Variants in BTN3A3 observed in about 807,000 individuals in gnomAD.
BTN3A3 encodes the protein butyrophilin subfamily 3 member A3, also known as butyrophilin 3.
A neutral mutation model predicts 43.2 loss-of-function variants in BTN3A3; 39 were observed. The observed-to-expected ratio is 0.90, with a 90% CI of 0.70 to 1.18. The LOEUF (loss-of-function observed/expected upper bound fraction) is 1.18. BTN3A3 is among the 50% of genes most tolerant of loss of function. The pLI is 0.00. For missense variants in BTN3A3, 631 were observed against 722.8 expected, an observed-to-expected ratio of 0.87 and a Z score of 1.46; for synonymous variants, 255 against 272.7, an observed-to-expected ratio of 0.93 and a Z score of 0.64.
intron 6 of BTN3A3, 26 bp from the exon 7 acceptor site, chr6:26,448,591 C>G (rs757750080): frequency 1.2e-6 from 2 of 1,613,270 alleles, no homozygotes; most frequent in Non-Finnish European, 1.7e-6. Flanking sequence ...TTCTTTTTTT[C>G]TTTTCTTTTT....
chr6:26,451,750 C>A lies in BTN3A3; in HGVS notation c.1094C>A (p.Ala365Asp). ...VSEDQRSVQR[A>D]EEPRDLPDNP... Reference sequence around the variant, plus strand: ...GAGGACCAGAGGAGTGTGCAGCGTGCTGAAGAGCCGCGGGATCTGCCAGAC... The same window carrying A: ...GAGGACCAGAGGAGTGTGCAGCGTGATGAAGAGCCGCGGGATCTGCCAGAC... The change falls in exon 11 of 11, where the codon GCT becomes GAT. Residue 365 changes from alanine to aspartate, a missense_variant. Around this residue, in one of 2 missense-constraint regions of BTN3A3, gnomAD observed 551 missense variants for 584.0 expected, o/e 0.94. Coordinates refer to ENST00000244519, the MANE Select transcript of BTN3A3 (RefSeq NM_006994.5). The A allele has an allele frequency of 6.2e-7, 1 of 1,614,168 alleles. No homozygotes were observed. Among genetic ancestry groups the A allele is most frequent in the Non-Finnish European group, 8.5e-7 (1 of 1,180,018 alleles).
Position 26,449,675 on chromosome 6 carries a change from T to C in BTN3A3, c.978T>C (p.Ser326=), listed in dbSNP as rs781675649. The C allele has an allele frequency of 8.7e-6, 14 of 1,614,092 alleles. No individual in the cohort carries two copies. The highest frequency in any genetic ancestry group is 1.2e-5 in the Non-Finnish European group (14 of 1,180,026). Residue 326 remains serine (S), a synonymous_variant, in exon 9 of 11, where the codon TCT becomes TCC. Transcript: ENST00000244519. ...KIQYMARGEK[S]LAYHEWKMAL... Reference sequence around the variant, plus strand: ...CTTTCATTGTAGGTGGAGAGAAGTCTTTGGCCTATCATGGTGAGTGAGCCT... The same window carrying C: ...CTTTCATTGTAGGTGGAGAGAAGTCCTTGGCCTATCATGGTGAGTGAGCCT...
intron 1 of BTN3A3, among the ~76,000 whole-genome samples, chr6:26,441,561 T>G (rs1383022135): frequency 6.6e-6 from 1 of 152,178 alleles, no homozygotes; most frequent in Non-Finnish European, 1.5e-5. Context: ...TACAACTTTT[T>G]TTTTTAATAG....
At chr6:26,449,394 A>G (rs544525194) in intron 8 of BTN3A3, 18 of 486,826 alleles carry the variant, frequency 3.7e-5, no homozygotes, top group Non-Finnish European at 6.3e-5. Flanking sequence ...GCCCAGGTAC[A>G]GGAGTATAGA....
At position 26,452,790 on chromosome 6, in the gene BTN3A3, C is replaced by G; in HGVS notation, c.*379C>G. On this transcript the variant is annotated 3_prime_UTR_variant, in exon 11 of 11. Coordinates refer to ENST00000244519, the MANE Select transcript of BTN3A3 (RefSeq NM_006994.5). ...TGGCTAATTGCCTGTTCTTTTCCAG[C>G]CTGATTTTTTTTCCCACAGGAAGAG... is the stretch of plus-strand genomic sequence containing the variant. 5.4e-6 allele frequency: 1 copy of G among 186,694 alleles called. No individual in the cohort carries two copies. 11.6% of individuals were successfully genotyped at this position (186,694 alleles called of 1,614,324 possible).
chr6:26,452,725 C>G lies in BTN3A3; in HGVS notation c.*314C>G, dbSNP rs1171135239. ...CATGAAGTAACTTACATAACTCATA[C>G]AGTAATTTGTGCAGTTGGGAGATGT... On this transcript the variant is annotated 3_prime_UTR_variant, in exon 11 of 11. Coordinates refer to ENST00000244519, the MANE Select transcript of BTN3A3 (RefSeq NM_006994.5). The G allele has an allele frequency of 3.5e-6, 1 of 288,354 alleles. No homozygotes were observed. Among genetic ancestry groups the G allele is most frequent in the African/African-American group, 2.2e-5 (1 of 46,120 alleles). 17.9% of individuals were successfully genotyped at this position (288,354 alleles called of 1,614,324 possible). A position where few individuals can be genotyped will look rare whatever the true frequency, so the allele number is the denominator to read the frequency against.
At chr6:26,448,029 G>A (rs569622297) in intron 5 of BTN3A3, among the ~76,000 whole-genome samples, 1 of 152,272 alleles carries the variant, frequency 6.6e-6, no homozygotes, top group East Asian at 1.9e-4. Context: ...TTCCATACGA[G>A]AGGCAGACCT....
intron 9 of BTN3A3, among the ~76,000 whole-genome samples, 172 bp downstream of exon 9, chr6:26,449,860 C>T (rs1243052811): frequency 1.3e-5 from 2 of 152,162 alleles, no homozygotes; most frequent in Non-Finnish European, 2.9e-5. Context: ...CTCTGAGAGA[C>T]TCCTGACCCT....
At chr6:26,445,489 G>A (rs1581653215) in intron 4 of BTN3A3, 2 of 597,572 alleles carry the variant, frequency 3.3e-6, no homozygotes, top group East Asian at 2.8e-5. Flanking sequence ...TCCTCCCTCT[G>A]GTAATTGGGG....
At position 26,452,433 on chromosome 6, in the gene BTN3A3, T is replaced by G. The variant is rs145699923; in HGVS notation, c.*22T>G. 63 of 1,563,458 alleles carry G rather than the reference T, an allele frequency of 4.0e-5. No individual in the cohort carries two copies. Among genetic ancestry groups the G allele is most frequent in the African/African-American group, 1.5e-4 (11 of 73,856 alleles). On this transcript the variant is annotated 3_prime_UTR_variant, in exon 11 of 11. Coordinates refer to ENST00000244519, the MANE Select transcript of BTN3A3 (RefSeq NM_006994.5). ...CTGATATTCATTCCATTATTCCATA[T>G]GACAGTTGTTTTGAGTTTCGTACCA... is the stretch of plus-strand genomic sequence containing the variant.
chr6:26,446,070 T>C, intron 5 of BTN3A3, 85 bp downstream of exon 5: 2 of 1,569,834 alleles, frequency 1.3e-6, no homozygotes, highest in Non-Finnish European at 1.7e-6. Context: ...ACTGTGTGAG[T>C]CTCTGCGGTC....
intron 5 of BTN3A3, 83 bp from the exon 6 acceptor site, chr6:26,448,165 G>A (rs796861752): frequency 1.3e-6 from 2 of 1,488,604 alleles, no homozygotes; most frequent in African/African-American, 2.8e-5. Context: ...CCCAACCTGG[G>A]CTGAGCAGCT....
intron 3 of BTN3A3, 109 bp downstream of exon 3, chr6:26,443,768 C>A: frequency 5.4e-6 from 8 of 1,487,552 alleles, no homozygotes; most frequent in Non-Finnish European, 7.4e-6. Context: ...ACCTTTAACT[C>A]ATTCCCATAC....
chr6:26,449,566 C>CA, intron 8 of BTN3A3, 96 bp from the exon 9 acceptor site: 1 of 1,383,434 alleles, frequency 7.2e-7, no homozygotes, highest in Non-Finnish European at 1.0e-6. Context: ...GTGGAATGGT[C>CA]AAAAAGAAAG....
At chr6:26,450,164 A>G (rs903764743) in intron 10 of BTN3A3, 31 bp downstream of exon 10, 5 of 1,607,860 alleles carry the variant, frequency 3.1e-6, no homozygotes, top group Non-Finnish European at 3.4e-6. Context: ...TCCCTGGATC[A>G]ACAACCTGAG....
rs1292845218 is a variant in BTN3A3 at position 26,450,215 on chromosome 6, G to C, written c.1018+82G>C. The C allele has an allele frequency of 1.4e-5, 22 of 1,520,008 alleles. 1 individual carries two copies. The South Asian group carries it at 1.5e-4, about 10-fold the overall frequency. The allele number at this position is 1,520,008 out of a possible 1,614,324, so 94.2% of individuals were successfully genotyped here. A position where few individuals can be genotyped will look rare whatever the true frequency, so the allele number is the denominator to read the frequency against. On this transcript the variant is annotated intron_variant, in intron 10 of 10. Transcript: ENST00000244519. ...CTCCTCCTCCAACTCTTGTGATTTA[G>C]GGAAGAAAAGTTCCCTTGACTAAGA...
chr6:26,449,987 A>C, intron 9 of BTN3A3, 120 bp from the exon 10 acceptor site: 2 of 1,201,722 alleles, frequency 1.7e-6, no homozygotes, highest in Non-Finnish European at 1.2e-6. Flanking sequence ...AGAGGAAGGA[A>C]GCTGAAGCCT....
At chr6:26,449,501 TAAG>T (rs1288409911) in intron 8 of BTN3A3, 158 bp from the exon 9 acceptor site, 4 of 738,480 alleles carry the variant, frequency 5.4e-6, no homozygotes, top group African/African-American at 1.8e-5. Flanking sequence ...GACTTGATAT[TAAG>T]AAGAAGAGGT....
chr6:26,443,882 T>C (rs1762704917), intron 3 of BTN3A3, 75 bp from the exon 4 acceptor site: 2 of 1,609,440 alleles, frequency 1.2e-6, no homozygotes, highest in Admixed American at 1.7e-5. Flanking sequence ...TCGCCTTCCC[T>C]GTCTGAGAAG....
Sources: gnomAD v4.1 joint callset for allele counts (sites outside exome capture counted in the v4.1 genomes callset) on GRCh38, gnomAD v4.1.1 for gene constraint, gnomAD v4.1.1 regional missense constraint, MANE v1.5 for transcripts, NCBI Gene and HGNC (gene_info 2026-07-23, HGNC 2026-07-21) for gene names.